The following OCIAD1 variants were observed in gnomAD, a reference collection of about 807,000 sequenced individuals.
OCIAD1 encodes OCIA domain-containing protein 1.
OCIAD1 carries 29 observed loss-of-function variants against 38.9 expected under a neutral mutation model. That is an observed-to-expected ratio of 0.74 (90% CI 0.55 to 1.02). The LOEUF (loss-of-function observed/expected upper bound fraction) is 1.02. OCIAD1 is among the 50% of genes least tolerant of loss of function. The probability of loss-of-function intolerance (pLI) is 0.00; values close to 1 mark genes in which losing one functional copy is unlikely to be tolerated. For synonymous variants in OCIAD1, 110 were observed against 92.0 expected, an observed-to-expected ratio of 1.20 and a Z score of -1.12; for missense variants, 288 against 289.6, an observed-to-expected ratio of 0.99 and a Z score of 0.04.
intron 1 of OCIAD1, chr4:48,831,659 G>C: frequency 1.3e-6 from 1 of 790,708 alleles, no homozygotes; most frequent in South Asian, 1.4e-5. Flanking sequence ...GAAGGATGCC[G>C]TTATGGGAAA....
chr4:48,832,113 G>A (rs943454183), intron 1 of OCIAD1, among the ~76,000 whole-genome samples: 3 of 152,178 alleles, frequency 2.0e-5, no homozygotes, highest in African/African-American at 7.2e-5. Flanking sequence ...AGGATATGTC[G>A]TCTTTGTTAT....
chr4:48,844,782 G>A (rs978436901), intron 4 of OCIAD1, among the ~76,000 whole-genome samples: 31 of 152,108 alleles, frequency 2.0e-4, no homozygotes, highest in African/African-American at 7.0e-4. Flanking sequence ...AAAAGCTTAA[G>A]TCTCTGATAT....
At chr4:48,827,949 A>C (rs1377580801), upstream of OCIAD1, among the ~76,000 whole-genome samples, 1 of 152,174 alleles carries the variant, frequency 6.6e-6, no homozygotes, top group Admixed American at 6.5e-5. Flanking sequence ...TGCACCAATC[A>C]GCACTCTGTA....
At chr4:48,815,281 GC>G (rs1777133564) in intron 1 of OCIAD1, among the ~76,000 whole-genome samples, 2 of 152,148 alleles carry the variant, frequency 1.3e-5, no homozygotes, top group Admixed American at 6.6e-5. Context: ...CCACACTCCA[GC>G]CCGGGGAACA....
intron 1 of OCIAD1, among the ~76,000 whole-genome samples, chr4:48,806,209 G>T (rs1431887464): frequency 6.6e-6 from 1 of 152,174 alleles, no homozygotes; most frequent in South Asian, 2.1e-4. Flanking sequence ...GGAGGTTGCA[G>T]TGAGCCGAGA....
intron 8 of OCIAD1, among the ~76,000 whole-genome samples, chr4:48,858,028 C>T (rs867874190): frequency 5.3e-5 from 8 of 152,158 alleles, no homozygotes; most frequent in Non-Finnish European, 8.8e-5. Context: ...GTGGTGCATG[C>T]CTGTAATCCT....
intron 3 of OCIAD1, among the ~76,000 whole-genome samples, chr4:48,834,676 C>T (rs1389198908): frequency 6.6e-6 from 1 of 152,060 alleles, no homozygotes; most frequent in African/African-American, 2.4e-5. Context: ...GAGGCTGAGG[C>T]TGAGGTAGGA....
upstream of OCIAD1, among the ~76,000 whole-genome samples, chr4:48,829,312 A>G (rs1285301443): frequency 6.6e-6 from 1 of 151,884 alleles, no homozygotes; most frequent in Non-Finnish European, 1.5e-5. Context: ...ACCACCTAGA[A>G]TGTCTTCTAA....
chr4:48,812,546 G>A lies in OCIAD1; in HGVS notation c.-103+7216G>A, dbSNP rs73815370. ...AAGGGGGCCAAATTTTGGAACAAGA[G>A]AAGAGAATAAAGGAGTGATTGACTG... On this transcript the variant is annotated intron_variant, in intron 1 of 6. Transcript: ENST00000504654. 2.9e-3 allele frequency among the ~76,000 whole-genome samples: 443 copies of A among 152,122 alleles called. 1 individual carries two copies. The highest frequency in any genetic ancestry group is 0.01 in the African/African-American group (420 of 41,510).
Position 48,848,446 on chromosome 4 carries a change from C to T in OCIAD1, c.241C>T (p.Leu81Phe), listed in dbSNP as rs1009243753. The T allele has an allele frequency of 2.0e-5, 28 of 1,432,460 alleles. No homozygotes were observed. Among genetic ancestry groups the T allele is most frequent in the East Asian group, 2.3e-5 (1 of 42,692 alleles). The allele number at this position is 1,432,460 out of a possible 1,614,324, so 88.7% of individuals were successfully genotyped here. ...ATATGGTTCCATCCCTAAACTTATA[C>T]GTAAGTATGAACAACATTGTAGTTT... ...PKYGSIPKLI[L>F]ACIMGYFAGK... The change falls in exon 5 of 9, where the codon CTT becomes TTT. Residue 81 changes from leucine (L) to phenylalanine (F), a missense_variant and splice_region_variant. Coordinates refer to ENST00000264312, the MANE Select transcript of OCIAD1 (RefSeq NM_017830.4).
intron 1 of OCIAD1, among the ~76,000 whole-genome samples, chr4:48,819,190 C>T (rs181990341): frequency 6.6e-5 from 10 of 152,182 alleles, no homozygotes; most frequent in Admixed American, 6.5e-4. Flanking sequence ...GTCAGGTCAC[C>T]TACAAAGGGA....
At chr4:48,822,248 C>T (rs1004352284) in intron 1 of OCIAD1, among the ~76,000 whole-genome samples, 5 of 152,184 alleles carry the variant, frequency 3.3e-5, no homozygotes, top group Non-Finnish European at 7.3e-5. Context: ...CCATGCATCA[C>T]AACCATCTGA....
intron 1 of OCIAD1, among the ~76,000 whole-genome samples, chr4:48,831,917 C>A (rs1446997688): frequency 6.6e-6 from 1 of 152,100 alleles, no homozygotes; most frequent in Admixed American, 6.6e-5. Flanking sequence ...CATGATCCCA[C>A]GTAAACGTTC....
intron 4 of OCIAD1, 118 bp from the exon 5 acceptor site, chr4:48,848,281 T>C: frequency 1.8e-6 from 1 of 550,142 alleles, no homozygotes; most frequent in Non-Finnish European, 3.2e-6. Context: ...TTAAACAGTC[T>C]AGGGTTCTGT....
At chr4:48,855,467 A>T (rs1439542875) in intron 7 of OCIAD1, among the ~76,000 whole-genome samples, 7 of 152,226 alleles carry the variant, frequency 4.6e-5, no homozygotes, top group African/African-American at 1.7e-4. Flanking sequence ...GGAGAAATTT[A>T]AATCCTCTTT....
chr4:48,856,179 C>G (rs1172769856), intron 7 of OCIAD1: 3 of 151,706 alleles, frequency 2.0e-5, no homozygotes, highest in African/African-American at 7.3e-5. Flanking sequence ...GTAACCACTG[C>G]ATTATATTTA....
upstream of OCIAD1, among the ~76,000 whole-genome samples, chr4:48,828,789 C>T (rs917072607): frequency 1.3e-5 from 2 of 152,166 alleles, no homozygotes; most frequent in African/African-American, 4.8e-5. Flanking sequence ...CTGGACACAC[C>T]ATCTTTAAGA....
At chr4:48,834,537 A>G (rs748879431) in intron 3 of OCIAD1, among the ~76,000 whole-genome samples, 1 of 152,154 alleles carries the variant, frequency 6.6e-6, no homozygotes, top group Non-Finnish European at 1.5e-5. Context: ...TGGGAGGCTG[A>G]GGCAGGAGGA....
chr4:48,817,918 G>A (rs1339631409), intron 1 of OCIAD1, among the ~76,000 whole-genome samples: 2 of 152,198 alleles, frequency 1.3e-5, no homozygotes, highest in African/African-American at 4.8e-5. Context: ...GGGACTTACA[G>A]ACAAAACCCC....
Sources: gnomAD v4.1 joint callset for allele counts (sites outside exome capture counted in the v4.1 genomes callset) on GRCh38, gnomAD v4.1.1 for gene constraint, MANE v1.5 for transcripts, NCBI Gene and HGNC (gene_info 2026-07-23, HGNC 2026-07-21) for gene names.